Variants in GRIP2 observed in about 807,000 individuals in gnomAD.
GRIP2 encodes the protein glutamate receptor-interacting protein 2.
GRIP2 carries 58 observed loss-of-function variants against 108.3 expected under a neutral mutation model. The ratio of observed to expected loss-of-function variants is 0.54; its 90% CI spans 0.43 to 0.67. GRIP2 has a LOEUF of 0.67. GRIP2 is among the 30% of genes least tolerant of loss of function. The probability of loss-of-function intolerance (pLI) is 0.00; values close to 1 mark genes in which losing one functional copy is unlikely to be tolerated. For missense variants in GRIP2, 1,278 were observed against 1,430.6 expected (o/e 0.89, Z 1.72); for synonymous variants, 586 against 598.2 (o/e 0.98, Z 0.30).
the GRIP2 span, among the ~76,000 whole-genome samples, chr3:14,575,199 C>A: frequency 6.6e-6 from 1 of 152,156 alleles, no homozygotes; most frequent in Admixed American, 6.5e-5. Flanking sequence ...GTTAAACTCA[C>A]ACATATATTT....
chr3:14,536,701 G>A (rs563099814), intron 1 of GRIP2, among the ~76,000 whole-genome samples: 85 of 152,328 alleles, frequency 5.6e-4, no homozygotes, highest in African/African-American at 1.9e-3. Context: ...GGCCTTCTGC[G>A]TTCTGGGTCC....
chr3:14,536,071 CG>C (rs1275217447), intron 1 of GRIP2, among the ~76,000 whole-genome samples: 3 of 152,144 alleles, frequency 2.0e-5, no homozygotes, highest in African/African-American at 7.2e-5. Context: ...GGCAGAAGCA[CG>C]TTTTTCAGGG....
At position 14,507,685 on chromosome 3, in the gene GRIP2, G is replaced by T; in HGVS notation, c.2094C>A (p.His698Gln). Residue 698 changes from histidine to glutamine, a missense_variant, in exon 18 of 24, where the codon CAC becomes CAA. Transcript: ENST00000621039. This position sits in a 1 kb window ranked among gnomAD's most constrained non-coding sequence, Gnocchi z 4.6. ...RGLAERTGAI[H>Q]VGDRILAINN... ...TGATGGCCAGAATGCGGTCCCCCAC[G>T]TGGATGGCACCAGTCCTGAGGAGTG... is the stretch of plus-strand genomic sequence containing the variant. 1 of 1,613,994 alleles carries T rather than the reference G, an allele frequency of 6.2e-7. No homozygotes were observed. Among genetic ancestry groups the T allele is most frequent in the East Asian group, 2.2e-5 (1 of 44,880 alleles).
In GRIP2 at chr3:14,505,597, G is replaced by C; in HGVS notation, c.2573+18C>G. The C allele has an allele frequency of 6.2e-7, 1 of 1,604,538 alleles. No homozygotes were observed. The highest frequency in any genetic ancestry group is 8.5e-7 in the Non-Finnish European group (1 of 1,175,614). On this transcript the variant is annotated intron_variant, in intron 20 of 23. Transcript: ENST00000621039. This position sits in a 1 kb window ranked among gnomAD's most constrained non-coding sequence, Gnocchi z 4.2. ...ACACTGTGACTCCCTCCTCCTTCAC[G>C]GTGCTCCCACCACAGACCTCGTTGG...
At chr3:14,529,278 C>CAAAAAAAAAAAAAAAAAAAAAAAAAA (rs78828207) in intron 1 of GRIP2, among the ~76,000 whole-genome samples, 2 of 111,088 alleles carry the variant, frequency 1.8e-5, no homozygotes, top group Non-Finnish European at 3.6e-5. Flanking sequence ...GACTCCGTCT[C>CAAAAAAAAAAAAAAAAAAAAAAAAAA]AAAAAAAAAA....
chr3:14,517,319 C>T (rs1366234953), intron 10 of GRIP2, 106 bp from the exon 11 acceptor site: 1 of 1,173,054 alleles, frequency 8.5e-7, no homozygotes, highest in African/African-American at 1.6e-5. Context: ...ATGGGGATGC[C>T]TTCCCCCTTC....
upstream of GRIP2, among the ~76,000 whole-genome samples, chr3:14,542,273 C>A (rs532566567): frequency 3.3e-5 from 5 of 152,264 alleles, no homozygotes; most frequent in South Asian, 1.0e-3. Context: ...CCCACCTCAG[C>A]CTCCCTGGTA....
chr3:14,532,200 C>T (rs1362950362), intron 1 of GRIP2, among the ~76,000 whole-genome samples: 1 of 152,248 alleles, frequency 6.6e-6, no homozygotes, highest in Non-Finnish European at 1.5e-5. Flanking sequence ...TCCTCAGCGG[C>T]AGCGGGAGAA....
chr3:14,517,649 G>C (rs992743904), intron 10 of GRIP2, 123 bp downstream of exon 10: 1 of 1,287,948 alleles, frequency 7.8e-7, no homozygotes, highest in Non-Finnish European at 1.1e-6. Context: ...CCACAGGCGT[G>C]CACCACCACA....
Position 14,509,951 on chromosome 3 carries a change from G to C in GRIP2, c.1947C>G (p.Thr649=), listed in dbSNP as rs372966894. 9.2e-5 allele frequency: 140 copies of C among 1,520,678 alleles called. No homozygotes were observed. The highest frequency in any genetic ancestry group is 1.2e-4 in the Non-Finnish European group (133 of 1,129,770). 94.2% of individuals were successfully genotyped at this position (1,520,678 alleles called of 1,614,324 possible). A position where few individuals can be genotyped will look rare whatever the true frequency, so the allele number is the denominator to read the frequency against. The change falls in exon 17 of 24, where the codon ACC becomes ACG. Residue 649 remains threonine (T), a synonymous_variant. Transcript: ENST00000621039. ...KDEDNSDELE[T]TGAVSYTVEL... is the part of the protein sequence containing the mutation. Reference sequence around the variant, plus strand: ...CCACTGTGTAACTGACGGCACCTGTGGTCTCCAGCTCATCTGCAAGCACGG... The same window carrying C: ...CCACTGTGTAACTGACGGCACCTGTCGTCTCCAGCTCATCTGCAAGCACGG...
At chr3:14,517,263 C>T in intron 10 of GRIP2, 50 bp from the exon 11 acceptor site, 3 of 1,482,812 alleles carry the variant, frequency 2.0e-6, no homozygotes, top group Non-Finnish European at 2.7e-6. Flanking sequence ...GGCTCTCCAC[C>T]CCACCACACA....
Position 14,524,451 on chromosome 3 carries a change from C to T in GRIP2, c.345G>A (p.Leu115=), listed in dbSNP as rs1046021652. The T allele has an allele frequency of 5.6e-6, 9 of 1,603,120 alleles. No individual in the cohort carries two copies. The African/African-American group carries it at 1.2e-4, about 21-fold the overall frequency. Reference sequence around the variant, plus strand: ...CCACGCGCTCGCCCACATTCTTGAGCAGGGTGATGATCTCATCGTGGCGGA... The same window carrying T: ...CCACGCGCTCGCCCACATTCTTGAGTAGGGTGATGATCTCATCGTGGCGGA... ...TRLRHDEIIT[L]LKNVGERVVL... is the part of the protein sequence containing the mutation. Residue 115 remains leucine, a synonymous_variant, in exon 4 of 24, where the codon CTG becomes CTA. Coordinates refer to ENST00000621039, the MANE Select transcript of GRIP2 (RefSeq NM_001080423.4).
the GRIP2 span, among the ~76,000 whole-genome samples, chr3:14,566,541 G>A: frequency 1.3e-5 from 2 of 152,236 alleles, no homozygotes; most frequent in African/African-American, 2.4e-5. Flanking sequence ...CCACAGCAGC[G>A]AGTGGAGCCA....
intron 21 of GRIP2, among the ~76,000 whole-genome samples, chr3:14,502,787 T>C (rs1693803365): frequency 6.6e-6 from 1 of 152,124 alleles, no homozygotes; most frequent in East Asian, 1.9e-4. Context: ...GAAGAGACTA[T>C]CAAAGCTAAA....
At chr3:14,496,645 A>T in intron 21 of GRIP2, 85 bp from the exon 22 acceptor site, 1 of 1,498,924 alleles carries the variant, frequency 6.7e-7, no homozygotes, top group South Asian at 1.3e-5. Flanking sequence ...ACTATGTGCC[A>T]GCCACAAAAG....
the GRIP2 span, among the ~76,000 whole-genome samples, chr3:14,601,091 C>T: frequency 2.0e-5 from 3 of 151,448 alleles, no homozygotes; most frequent in African/African-American, 4.9e-5. Flanking sequence ...CACACACACA[C>T]GAACACACAC....
At chr3:14,546,718 A>G (rs959058905), upstream of GRIP2, among the ~76,000 whole-genome samples, 4 of 152,208 alleles carry the variant, frequency 2.6e-5, no homozygotes, top group African/African-American at 7.2e-5. Flanking sequence ...TGTCCCAACT[A>G]ACTGTCACCA....
At chr3:14,596,476 G>A in the GRIP2 span, among the ~76,000 whole-genome samples, 1 of 152,092 alleles carries the variant, frequency 6.6e-6, no homozygotes, top group Non-Finnish European at 1.5e-5. Flanking sequence ...ACATTCTCTG[G>A]TTCAACACTG....
intron 1 of GRIP2, among the ~76,000 whole-genome samples, chr3:14,535,998 G>A (rs963804541): frequency 5.9e-5 from 9 of 152,220 alleles, no homozygotes; most frequent in Non-Finnish European, 1.2e-4. Flanking sequence ...CCCCACGGGC[G>A]ACAAGCCTCC....
Sources: allele counts gnomAD v4.1 joint callset (sites outside exome capture counted in the v4.1 genomes callset), GRCh38; gene constraint gnomAD v4.1.1; non-coding constraint Gnocchi (gnomAD v3.1); transcripts MANE v1.5; gene names NCBI Gene and HGNC (gene_info 2026-07-23, HGNC 2026-07-21).